NAA38: variants seen among roughly 807,000 people sequenced by gnomAD.
The protein encoded by NAA38 is N-alpha-acetyltransferase 38, NatC auxiliary subunit.
In NAA38, 15 loss-of-function variants were observed where a neutral mutation model predicts 12.6. The ratio of observed to expected loss-of-function variants is 1.19; its 90% CI spans 0.79 to 1.83. NAA38 has a LOEUF of 1.83. NAA38 is among the 40% of genes most tolerant of loss of function. NAA38 has a pLI of 0.00. For synonymous variants in NAA38, 88 were observed against 69.9 expected, an observed-to-expected ratio of 1.26 and a Z score of -1.29; for missense variants, 183 against 171.7, an observed-to-expected ratio of 1.07 and a Z score of -0.37.
At chr17:7,858,070 TAGTG>T, upstream of NAA38, 2 of 1,597,524 alleles carry the variant, frequency 1.3e-6, no homozygotes, top group South Asian at 1.1e-5. Context: ...GTCGTAGTAG[TAGTG>T]AGTACGTGCT....
At chr17:7,881,337 A>C (rs1967268928) in intron 2 of NAA38, among the ~76,000 whole-genome samples, 1 of 152,192 alleles carries the variant, frequency 6.6e-6, no homozygotes, top group African/African-American at 2.4e-5. Context: ...CCTGCCAAGC[A>C]GACAGCAAAA....
At chr17:7,884,828 G>C (rs1384641320) in intron 1 of NAA38, 10 of 520,536 alleles carry the variant, frequency 1.9e-5, no homozygotes, top group Non-Finnish European at 2.6e-5. Flanking sequence ...TCTGAGGGAC[G>C]AGGAGGAGGA....
chr17:7,882,192 G>A (rs967395558), intron 2 of NAA38, among the ~76,000 whole-genome samples: 3 of 152,180 alleles, frequency 2.0e-5, no homozygotes, highest in African/African-American at 4.8e-5. Context: ...CGCACCTGCA[G>A]ATCATGGCAC....
upstream of NAA38, chr17:7,859,416 AC>A (rs756741655): frequency 6.2e-7 from 1 of 1,614,032 alleles, no homozygotes; most frequent in Non-Finnish European, 8.5e-7. Flanking sequence ...GAAATCCTAC[AC>A]CGCTATCTCC....
intron 2 of NAA38, among the ~76,000 whole-genome samples, chr17:7,867,140 CG>C (rs927164403): frequency 2.0e-5 from 3 of 151,728 alleles, no homozygotes; most frequent in African/African-American, 7.3e-5. Context: ...TTGGAGAGCT[CG>C]GAGGCAGAAG....
intron 3 of NAA38, chr17:7,863,313 TTGTGGTAATCTCTTTTGTGTTAGAGGG>T (rs1373810807): frequency 2.6e-5 from 4 of 152,144 alleles, no homozygotes; most frequent in Admixed American, 6.5e-5. Context: ...CCAAGTCCTC[TTGTGGTAATCTCTTTTGTGTTAGAGGG>T]TGGTGGGTGA....
chr17:7,858,037 C>T, upstream of NAA38: 2 of 1,552,052 alleles, frequency 1.3e-6, no homozygotes, highest in South Asian at 1.2e-5. Context: ...ACGCTCTCCC[C>T]TCGGCTCCCG....
upstream of NAA38, chr17:7,859,454 A>G (rs779354964): frequency 6.2e-7 from 1 of 1,614,148 alleles, no homozygotes; most frequent in African/African-American, 1.3e-5. Flanking sequence ...TGCCAGCTAC[A>G]CGTGGAAATA....
chr17:7,857,205 G>C lies in NAA38; in HGVS notation c.82-7C>G, dbSNP rs751135782. 65 of 1,612,832 alleles carry C rather than the reference G, an allele frequency of 4.0e-5. 1 individual carries two copies. The Middle Eastern group carries it at 6.6e-4, about 16-fold the overall frequency. ...CGCGCTCTCCGTCCGAATCCTGCGC[G>C]GGGTGTAACAAGCGCTCAGACCGCG... is the stretch of plus-strand genomic sequence containing the variant. On this transcript the variant is annotated splice_region_variant and splice_polypyrimidine_tract_variant and intron_variant, in intron 1 of 2. Coordinates refer to ENST00000575771, the MANE Select transcript of NAA38 (RefSeq NM_001320925.4).
intron 2 of NAA38, among the ~76,000 whole-genome samples, chr17:7,877,276 A>G (rs1245447500): frequency 6.6e-6 from 1 of 152,198 alleles, no homozygotes. Context: ...TTTGGTATGT[A>G]CACTTCCAGC....
chr17:7,884,460 A>ATATATATATATATATATATG (rs1967433242), intron 1 of NAA38, among the ~76,000 whole-genome samples: 1 of 40,126 alleles, frequency 2.5e-5, no homozygotes, highest in Non-Finnish European at 9.0e-5. Context: ...ATATATACAT[A>ATATATATATATATATATATG]TATATATATA....
At chr17:7,885,389 G>T (rs1271580734), upstream of NAA38, among the ~76,000 whole-genome samples, 2 of 147,966 alleles carry the variant, frequency 1.4e-5, no homozygotes, top group African/African-American at 4.9e-5. Flanking sequence ...CGCGCGGACC[G>T]GGCCACTCGG....
chr17:7,861,508 C>T (rs2078882953), upstream of NAA38: 1 of 152,192 alleles, frequency 6.6e-6, no homozygotes, highest in Non-Finnish European at 1.5e-5. Context: ...CTATGCTGTT[C>T]CTCTAGTGCA....
chr17:7,857,908 C>T, upstream of NAA38: 4 of 1,415,032 alleles, frequency 2.8e-6, no homozygotes, highest in Non-Finnish European at 3.7e-6. Flanking sequence ...TCCTTATATG[C>T]CCCACGCGGG....
chr17:7,860,455 T>G (rs1380804538), upstream of NAA38: 1 of 152,182 alleles, frequency 6.6e-6, no homozygotes, highest in East Asian at 1.9e-4. Context: ...TTACCATTAC[T>G]ATGTTACAGA....
At chr17:7,863,072 C>T (rs1219112202), upstream of NAA38, 1 of 151,990 alleles carries the variant, frequency 6.6e-6, no homozygotes. Context: ...AAAAGGAGGT[C>T]CTGATTACAG....
chr17:7,858,811 A>T (rs1427572933), upstream of NAA38: 1 of 1,551,888 alleles, frequency 6.4e-7, no homozygotes, highest in East Asian at 2.3e-5. Context: ...ACGTCGCAGG[A>T]GCACACACTG....
Position 7,857,158 on chromosome 17 carries a change from G to T in NAA38, c.122C>A (p.Ala41Asp). 6.2e-7 allele frequency: 1 copy of T among 1,612,974 alleles called. No individual in the cohort carries two copies. Among genetic ancestry groups the T allele is most frequent in the Non-Finnish European group, 8.5e-7 (1 of 1,180,004 alleles). The part of the protein sequence containing the change: ...GEREDSAAER[A>D]RQQLEALLNK... ...GAGCAGCGCCTCTAGCTGCTGTCGG[G>T]CGCGCTCAGCCGCCGAGTCCTCGCG... The change falls in exon 2 of 3, where the codon GCC becomes GAC. Residue 41 changes from alanine (A) to aspartate (D), a missense_variant. Transcript: ENST00000575771.
chr17:7,858,674 C>G (rs373359113), upstream of NAA38: 8 of 1,610,858 alleles, frequency 5.0e-6, no homozygotes, highest in Admixed American at 5.0e-5. Context: ...GCTTTGTGCA[C>G]GTTCCGCCTC....
Sources: allele counts gnomAD v4.1 joint callset (sites outside exome capture counted in the v4.1 genomes callset), GRCh38; gene constraint gnomAD v4.1.1; transcripts MANE v1.5; gene names NCBI Gene and HGNC (gene_info 2026-07-23, HGNC 2026-07-21).